Variants in RFPL1 observed in about 807,000 individuals in gnomAD.
The protein encoded by RFPL1 is ret finger protein-like 1.
RFPL1 carries 6 observed loss-of-function variants against 9.6 expected under a neutral mutation model. The ratio of observed to expected loss-of-function variants is 0.62; its 90% confidence interval spans 0.34 to 1.23. The LOEUF (loss-of-function observed/expected upper bound fraction) is 1.23, where lower values mean the gene tolerates loss of function less well. Ranked by LOEUF, RFPL1 falls within the 50% of genes most tolerant of loss-of-function variation. RFPL1 has a pLI of 0.03. For missense variants in RFPL1, 352 were observed against 398.4 expected (o/e 0.88, Z 0.99); for synonymous variants, 145 against 149.4 (o/e 0.97, Z 0.22).
chr22:29,437,135 G>A (rs2062812277), upstream of RFPL1: 1 of 157,316 alleles, frequency 6.4e-6, no homozygotes, highest in South Asian at 1.9e-4. Flanking sequence ...AAGCTTAATG[G>A]TCATTTGTCA....
At chr22:29,392,041 C>T in the RFPL1 span, among the ~76,000 whole-genome samples, 1 of 152,118 alleles carries the variant, frequency 6.6e-6, no homozygotes, top group Non-Finnish European at 1.5e-5. Context: ...TTGGAGGGAC[C>T]AGGGATGCCT....
At chr22:29,432,195 T>A in the RFPL1 span, among the ~76,000 whole-genome samples, 1 of 152,186 alleles carries the variant, frequency 6.6e-6, no homozygotes, top group Non-Finnish European at 1.5e-5. Context: ...CTCAAGGACT[T>A]AACTTGTGCA....
chr22:29,394,151 C>T, the RFPL1 span, among the ~76,000 whole-genome samples: 2 of 152,130 alleles, frequency 1.3e-5, no homozygotes, highest in Non-Finnish European at 2.9e-5. Context: ...TGTTTTTATA[C>T]CCTGCCCGAT....
the RFPL1 span, among the ~76,000 whole-genome samples, chr22:29,422,407 C>T: frequency 6.6e-6 from 1 of 152,136 alleles, no homozygotes; most frequent in South Asian, 2.1e-4. Context: ...GGAGAAACGC[C>T]ATCTCTACCA....
chr22:29,391,222 C>G, the RFPL1 span, among the ~76,000 whole-genome samples: 1 of 152,032 alleles, frequency 6.6e-6, no homozygotes, highest in African/African-American at 2.4e-5. Context: ...AATTTATTTT[C>G]TCACAGTGCT....
chr22:29,407,241 G>A, the RFPL1 span, among the ~76,000 whole-genome samples: 15 of 151,680 alleles, frequency 9.9e-5, no homozygotes, highest in East Asian at 1.9e-3. Context: ...CATAAGGCAC[G>A]TGCCACTATA....
At chr22:29,418,741 G>T in the RFPL1 span, among the ~76,000 whole-genome samples, 8 of 151,908 alleles carry the variant, frequency 5.3e-5, no homozygotes, top group East Asian at 1.4e-3. Flanking sequence ...CTCGAGATCC[G>T]CCCACCTGGG....
At chr22:29,391,730 T>C in the RFPL1 span, among the ~76,000 whole-genome samples, 1 of 152,074 alleles carries the variant, frequency 6.6e-6, no homozygotes, top group African/African-American at 2.4e-5. Context: ...GAAAGGGTAA[T>C]CCAGAGAAAA....
chr22:29,432,494 C>G, the RFPL1 span, among the ~76,000 whole-genome samples: 2 of 152,188 alleles, frequency 1.3e-5, no homozygotes, highest in African/African-American at 4.8e-5. Context: ...AAAAGAAAAT[C>G]TAGCCCCTTC....
the RFPL1 span, among the ~76,000 whole-genome samples, chr22:29,430,068 C>T: frequency 1.3e-5 from 2 of 150,206 alleles, no homozygotes; most frequent in Middle Eastern, 3.4e-3. Flanking sequence ...TGATGTGACT[C>T]GTCTATGTAA....
chr22:29,428,821 T>C, the RFPL1 span, among the ~76,000 whole-genome samples: 1 of 152,028 alleles, frequency 6.6e-6, no homozygotes, highest in Non-Finnish European at 1.5e-5. Context: ...TATACCAAAA[T>C]CTATGGTGTA....
At chr22:29,415,307 C>G in the RFPL1 span, among the ~76,000 whole-genome samples, 1 of 152,082 alleles carries the variant, frequency 6.6e-6, no homozygotes, top group East Asian at 1.9e-4. Flanking sequence ...GATCAGGCCA[C>G]GCTTCCACTC....
the RFPL1 span, chr22:29,388,559 C>A: frequency 6.6e-6 from 1 of 152,236 alleles, no homozygotes; most frequent in Non-Finnish European, 1.5e-5. Flanking sequence ...ACCTGCCGGG[C>A]GGAAGTGAGC....
At chr22:29,410,862 A>G in the RFPL1 span, among the ~76,000 whole-genome samples, 1 of 151,876 alleles carries the variant, frequency 6.6e-6, no homozygotes, top group East Asian at 1.9e-4. Context: ...TGAAAAAAAA[A>G]TCACAAGCCT....
At chr22:29,410,837 A>G in the RFPL1 span, among the ~76,000 whole-genome samples, 1 of 151,616 alleles carries the variant, frequency 6.6e-6, no homozygotes, top group Admixed American at 6.6e-5. Context: ...TTATGAATGC[A>G]TATTTCCATC....
At chr22:29,424,839 C>A in the RFPL1 span, among the ~76,000 whole-genome samples, 23 of 111,732 alleles carry the variant, frequency 2.1e-4, 1 homozygote, top group South Asian at 3.2e-3. Context: ...TCCCACCCCC[C>A]CCCCCGCAAA....
At chr22:29,442,099 G>A (rs61734571) in exon 2 of RFPL1, 1 of 1,582,344 alleles carries the variant, frequency 6.3e-7, no homozygotes, top group East Asian at 2.3e-5. Flanking sequence ...TGATGCTCCA[G>A]TCCATCCTGG....
At chr22:29,418,487 CTTCGTCTTCTTTTTTT>C in the RFPL1 span, among the ~76,000 whole-genome samples, 1 of 148,194 alleles carries the variant, frequency 6.7e-6, no homozygotes, top group Non-Finnish European at 1.5e-5. Context: ...TCCCATTCTT[CTTCGTCTTCTTTTTTT>C]TTTTTTTTTT....
chr22:29,424,656 TAAAAAA>T, the RFPL1 span, among the ~76,000 whole-genome samples: 138 of 121,806 alleles, frequency 1.1e-3, 1 homozygote, highest in Middle Eastern at 4.1e-3. Flanking sequence ...AAGGACAAAG[TAAAAAA>T]AAAAAAAAAA....
Sources: allele counts gnomAD v4.1 joint callset (sites outside exome capture counted in the v4.1 genomes callset), GRCh38; gene constraint gnomAD v4.1.1; transcripts MANE v1.5; gene names NCBI Gene and HGNC (gene_info 2026-07-23, HGNC 2026-07-21).